KLRG1: variants seen among roughly 807,000 people sequenced by gnomAD.
KLRG1 encodes the protein killer cell lectin-like receptor subfamily G member 1.
A neutral mutation model predicts 21.8 loss-of-function variants in KLRG1; 16 were observed. That is an observed-to-expected ratio of 0.73 (90% CI 0.50 to 1.11). The LOEUF is 1.11. Ranked by LOEUF, KLRG1 falls within the 50% of genes most tolerant of loss-of-function variation. The pLI, the probability that KLRG1 is intolerant of heterozygous loss-of-function variation, is 0.00. For synonymous variants in KLRG1, 69 were observed against 75.9 expected (o/e 0.91, Z 0.47); for missense variants, 173 against 218.3 (o/e 0.79, Z 1.31).
rs74716590 is a variant in KLRG1 at position 8,973,366 on chromosome 12, A to G, written c.-155-18840A>G. On this transcript the variant is annotated intron_variant, in intron 1 of 4. Transcript: ENST00000539240. ...GGGAACTTTAGGAGGTGATTGGGTC[A>G]TGAGGGCTTTGCCCTCATGAATGGA... is the stretch of plus-strand genomic sequence containing the variant. Among the ~76,000 whole-genome samples, 556 of 152,188 alleles carry G rather than the reference A, an allele frequency of 3.7e-3. 6 individuals carry two copies. Among genetic ancestry groups the G allele is most frequent in the African/African-American group, 0.013 (535 of 41,540 alleles).
chr12:9,045,656 CAG>C, the KLRG1 span, among the ~76,000 whole-genome samples: 1 of 152,014 alleles, frequency 6.6e-6, no homozygotes, highest in Non-Finnish European at 1.5e-5. Flanking sequence ...GAAATATCAG[CAG>C]AGAGACTGAA....
chr12:9,028,046 A>G, the KLRG1 span: 3 of 1,297,804 alleles, frequency 2.3e-6, no homozygotes, highest in Non-Finnish European at 3.3e-6. Flanking sequence ...TTACAAAGGC[A>G]AAGTCCCTTT....
the KLRG1 span, among the ~76,000 whole-genome samples, chr12:9,018,690 A>AAAAG: frequency 4.0e-5 from 6 of 151,392 alleles, no homozygotes; most frequent in East Asian, 1.9e-4. Context: ...AAAAAAAAAA[A>AAAAG]AAAGAAAGAA....
At chr12:8,995,723 T>C (rs1947110495) in intron 3 of KLRG1, among the ~76,000 whole-genome samples, 1 of 150,342 alleles carries the variant, frequency 6.7e-6, no homozygotes, top group Non-Finnish European at 1.5e-5. Context: ...CCCTCTGTCA[T>C]CCAGGCTGGA....
the KLRG1 span, among the ~76,000 whole-genome samples, chr12:9,027,020 T>C: frequency 2.1e-5 from 3 of 141,650 alleles, no homozygotes; most frequent in African/African-American, 8.2e-5. Flanking sequence ...TGTGGCTGGC[T>C]TTTTTTTTTT....
the KLRG1 span, among the ~76,000 whole-genome samples, chr12:9,020,969 A>T: frequency 6.6e-6 from 1 of 152,234 alleles, no homozygotes; most frequent in African/African-American, 2.4e-5. Flanking sequence ...TATTGCTCTT[A>T]GGCTGCAAAC....
the KLRG1 span, chr12:9,070,580 T>G: frequency 6.2e-7 from 1 of 1,609,526 alleles, no homozygotes; most frequent in South Asian, 1.1e-5. Context: ...CCTGTGTAAC[T>G]GAGGATCCAG....
intron 1 of KLRG1, among the ~76,000 whole-genome samples, chr12:8,984,476 A>T (rs1218374374): frequency 6.6e-6 from 1 of 151,660 alleles, no homozygotes; most frequent in East Asian, 1.9e-4. Context: ...CTGGTCTTGA[A>T]CTCCTGACCT....
chr12:9,162,064 C>T, the KLRG1 span, among the ~76,000 whole-genome samples: 28 of 152,228 alleles, frequency 1.8e-4, no homozygotes, highest in African/African-American at 6.3e-4. Flanking sequence ...CCGGCTCAAG[C>T]GATTCTCGTG....
chr12:9,069,102 T>C, the KLRG1 span: 2 of 283,144 alleles, frequency 7.1e-6, no homozygotes, highest in African/African-American at 4.4e-5. Context: ...ATATATACTT[T>C]TTATTGGATG....
At chr12:9,062,852 T>C in the KLRG1 span, among the ~76,000 whole-genome samples, 1 of 151,308 alleles carries the variant, frequency 6.6e-6, no homozygotes, top group African/African-American at 2.4e-5. Flanking sequence ...AGATATATTA[T>C]ACATTTAAAC....
the KLRG1 span, chr12:9,037,206 CA>C: frequency 6.4e-6 from 1 of 155,436 alleles, no homozygotes. Context: ...TGGAGGAGGC[CA>C]AAGACTTGGG....
chr12:9,140,186 G>T, the KLRG1 span, among the ~76,000 whole-genome samples: 1 of 152,188 alleles, frequency 6.6e-6, no homozygotes. Flanking sequence ...CTGTGAAATG[G>T]CCATGATCCT....
chr12:9,086,855 T>C, the KLRG1 span, among the ~76,000 whole-genome samples: 2 of 152,216 alleles, frequency 1.3e-5, no homozygotes, highest in South Asian at 2.1e-4. Flanking sequence ...ATTTTCACTG[T>C]TGGTGATGAC....
At chr12:9,099,343 T>C in the KLRG1 span, 1 of 1,535,250 alleles carries the variant, frequency 6.5e-7, no homozygotes. Flanking sequence ...TAACTTCTAG[T>C]TTTACATGTT....
the KLRG1 span, among the ~76,000 whole-genome samples, chr12:9,163,050 T>C: frequency 6.6e-6 from 1 of 152,092 alleles, no homozygotes; most frequent in Non-Finnish European, 1.5e-5. Flanking sequence ...ATTGAATTAT[T>C]ACAAATCCAT....
At chr12:9,200,306 A>C in the KLRG1 span, 2 of 1,225,166 alleles carry the variant, frequency 1.6e-6, no homozygotes, top group African/African-American at 1.5e-5. Context: ...TTGTACCTAC[A>C]TAATCCCTCA....
intron 1 of KLRG1, among the ~76,000 whole-genome samples, chr12:8,959,384 C>T (rs961176566): frequency 1.3e-5 from 2 of 152,148 alleles, no homozygotes; most frequent in African/African-American, 2.4e-5. Context: ...CCACTTCGTC[C>T]TGAGACCGCT....
At chr12:9,019,562 A>G in the KLRG1 span, among the ~76,000 whole-genome samples, 2 of 152,214 alleles carry the variant, frequency 1.3e-5, no homozygotes, top group Non-Finnish European at 2.9e-5. Flanking sequence ...AATGTGGTAC[A>G]TATACATGAG....
Sources: allele counts gnomAD v4.1 joint callset (sites outside exome capture counted in the v4.1 genomes callset), GRCh38; gene constraint gnomAD v4.1.1; transcripts MANE v1.5; gene names NCBI Gene and HGNC (gene_info 2026-07-23, HGNC 2026-07-21).